RYR2: variants seen among roughly 807,000 people sequenced by gnomAD.
RYR2 encodes the protein cardiac muscle ryanodine receptor-calcium release channel.
A neutral mutation model predicts 601.1 loss-of-function variants in RYR2; 227 were observed. The observed-to-expected ratio is 0.38, with a 90% CI of 0.34 to 0.42. The LOEUF (loss-of-function observed/expected upper bound fraction) is 0.42, where lower values mean the gene tolerates loss of function less well. RYR2 is among the 10% of genes least tolerant of loss of function. The probability of loss-of-function intolerance (pLI) is 1.00; values close to 1 mark genes in which losing one functional copy is unlikely to be tolerated. For synonymous variants in RYR2, 2,223 were observed against 2,175.1 expected (o/e 1.02, Z -0.61); for missense variants, 4,646 against 6,156.5 (o/e 0.75, Z 8.21).
chr1:237,410,631 C>T (rs916577072), intron 10 of RYR2, among the ~76,000 whole-genome samples: 1 of 152,094 alleles, frequency 6.6e-6, no homozygotes, highest in Non-Finnish European at 1.5e-5. Context: ...AATAATGAGA[C>T]AGAGACCATA....
At chr1:237,330,143 CAG>C (rs755260858) in intron 2 of RYR2, among the ~76,000 whole-genome samples, 16 of 152,080 alleles carry the variant, frequency 1.1e-4, no homozygotes, top group Non-Finnish European at 2.4e-4. Context: ...GTATGAGAGT[CAG>C]AGAAATCTGG....
chr1:237,058,430 C>T (rs1216396394), intron 1 of RYR2, among the ~76,000 whole-genome samples: 3 of 151,698 alleles, frequency 2.0e-5, no homozygotes, highest in Admixed American at 1.3e-4. Context: ...GCTTGCAAAG[C>T]ACTGTCTTTC....
chr1:237,805,580 CAAAAAA>C (rs772404939), intron 98 of RYR2, among the ~76,000 whole-genome samples: 1,382 of 37,622 alleles, frequency 0.037, 19 homozygotes, highest in African/African-American at 0.11. Flanking sequence ...GACTCTGTCT[CAAAAAA>C]AAAAAAAAAA....
At chr1:237,609,359 TC>T (rs1235075734) in intron 35 of RYR2, among the ~76,000 whole-genome samples, 8 of 86,956 alleles carry the variant, frequency 9.2e-5, no homozygotes, top group African/African-American at 3.7e-4. Context: ...TCCCCCCTTC[TC>T]CCCTTCCCCC....
At chr1:237,342,963 C>G (rs1392791273) in intron 3 of RYR2, among the ~76,000 whole-genome samples, 2 of 152,156 alleles carry the variant, frequency 1.3e-5, no homozygotes, top group Non-Finnish European at 2.9e-5. Context: ...AATGCAAGCA[C>G]TTTGGGAGTC....
intron 79 of RYR2, among the ~76,000 whole-genome samples, chr1:237,740,240 C>CT (rs1691493538): frequency 6.6e-6 from 1 of 152,238 alleles, no homozygotes; most frequent in African/African-American, 2.4e-5. Flanking sequence ...AATCTGATAC[C>CT]TTTTTTGTTT....
chr1:237,136,407 A>C (rs1672780818), intron 1 of RYR2, among the ~76,000 whole-genome samples: 1 of 152,130 alleles, frequency 6.6e-6, no homozygotes, highest in African/African-American at 2.4e-5. Context: ...TATGCATGCT[A>C]TGCAGGGGCC....
intron 3 of RYR2, among the ~76,000 whole-genome samples, chr1:237,342,039 T>TA (rs1226538684): frequency 6.6e-6 from 1 of 152,200 alleles, no homozygotes; most frequent in Non-Finnish European, 1.5e-5. Flanking sequence ...ATAAAACTTA[T>TA]AGAATCTATT....
At position 237,670,973 on chromosome 1, in the gene RYR2, T is replaced by C. The variant is rs561079971; in HGVS notation, c.8590+3015T>C. 2.2e-4 allele frequency among the ~76,000 whole-genome samples: 34 copies of C among 152,350 alleles called. No homozygotes were observed. In the South Asian group the frequency reaches 7.0e-3, roughly 32 times the overall value. ...ATAGAAAATCATCATTATTTAAATT[T>C]CTGAGCCAGATCGATATTTTCTTTA... On this transcript the variant is annotated intron_variant, in intron 58 of 104. Coordinates refer to ENST00000366574, the MANE Select transcript of RYR2 (RefSeq NM_001035.3).
chr1:237,636,641 C>G (rs1379929550), intron 44 of RYR2, among the ~76,000 whole-genome samples: 1 of 152,148 alleles, frequency 6.6e-6, no homozygotes, highest in East Asian at 1.9e-4. Context: ...AAACATACAC[C>G]TACCATAAAC....
chr1:237,799,517 A>T (rs969315323), intron 97 of RYR2, among the ~76,000 whole-genome samples: 5 of 108,540 alleles, frequency 4.6e-5, no homozygotes, highest in African/African-American at 2.5e-4. Context: ...ACTGTTTGTA[A>T]GTAAGTTTGA....
chr1:237,214,849 A>C (rs1056962389), intron 1 of RYR2, among the ~76,000 whole-genome samples: 3 of 152,180 alleles, frequency 2.0e-5, no homozygotes, highest in African/African-American at 7.2e-5. Flanking sequence ...TATTTGCAAA[A>C]TTGATGTGAG....
In RYR2 at chr1:237,548,506, A is replaced by C. The variant is rs767971801; in HGVS notation, c.2982A>C (p.Ala994=). 4 of 1,614,012 alleles carry C rather than the reference A, an allele frequency of 2.5e-6. No homozygotes were observed. The South Asian group carries it at 4.4e-5, about 18-fold the overall frequency. The change falls in exon 26 of 105, where the codon GCA becomes GCC. Residue 994 remains alanine (A), a synonymous_variant. Coordinates refer to ENST00000366574, the MANE Select transcript of RYR2 (RefSeq NM_001035.3). ...TCAAACTCACCCCATCACAAGAAGC[A>C]ATGGTGGACAAGTTGGCAGAAAATG... is the stretch of plus-strand genomic sequence containing the variant. ...SFIKLTPSQE[A]MVDKLAENAH... is the part of the protein sequence containing the mutation.
intron 16 of RYR2, among the ~76,000 whole-genome samples, chr1:237,457,402 T>C (rs527905211): frequency 6.6e-6 from 1 of 152,314 alleles, no homozygotes; most frequent in South Asian, 2.1e-4. Flanking sequence ...TAGCTTCTAC[T>C]TGTCTCTTGT....
Position 237,506,823 on chromosome 1 carries a change from T to C in RYR2, c.2718+9T>C. On this transcript the variant is annotated intron_variant, in intron 23 of 104. Coordinates refer to ENST00000366574, the MANE Select transcript of RYR2 (RefSeq NM_001035.3). ...GCTGGCAGTATGGTCCGGTATGTAA[T>C]TTTGAAATTTATTTTCAGATTCTGT... 1 of 1,607,102 alleles carries C rather than the reference T, an allele frequency of 6.2e-7. No individual in the cohort carries two copies. The highest frequency in any genetic ancestry group is 8.5e-7 in the Non-Finnish European group (1 of 1,174,000).
At chr1:237,286,284 T>C (rs1193174483) in intron 2 of RYR2, among the ~76,000 whole-genome samples, 1 of 152,094 alleles carries the variant, frequency 6.6e-6, no homozygotes, top group African/African-American at 2.4e-5. Flanking sequence ...GACCCAATGC[T>C]CATTCAGGAG....
chr1:237,565,878 A>G (rs913299546), intron 27 of RYR2, among the ~76,000 whole-genome samples: 1 of 151,970 alleles, frequency 6.6e-6, no homozygotes, highest in Non-Finnish European at 1.5e-5. Flanking sequence ...TTTCCTAGGG[A>G]TACTTTTCCC....
chr1:237,504,007 CTCTAT>C (rs1664944323), intron 22 of RYR2, among the ~76,000 whole-genome samples: 1 of 152,184 alleles, frequency 6.6e-6, no homozygotes, highest in Admixed American at 6.6e-5. Flanking sequence ...TGTGCCTGGC[CTCTAT>C]TCTATGTTTT....
intron 102 of RYR2, 43 bp downstream of exon 102, chr1:237,828,488 GC>G: frequency 7.3e-7 from 1 of 1,361,672 alleles, no homozygotes; most frequent in Non-Finnish European, 1.0e-6. Context: ...GTTGTCCTGG[GC>G]CCTCGTTTTC....
Sources: allele counts gnomAD v4.1 joint callset (sites outside exome capture counted in the v4.1 genomes callset), GRCh38; gene constraint gnomAD v4.1.1; transcripts MANE v1.5; gene names NCBI Gene and HGNC (gene_info 2026-07-23, HGNC 2026-07-21).